IMMP2L: variants seen among roughly 807,000 people sequenced by gnomAD.
IMMP2L encodes mitochondrial inner membrane protease subunit 2.
IMMP2L carries 18 observed loss-of-function variants against 19.3 expected under a neutral mutation model. The observed-to-expected ratio is 0.93, with a 90% CI of 0.64 to 1.38. The LOEUF is 1.38. IMMP2L is among the 40% of genes most tolerant of loss of function. The pLI, the probability that IMMP2L is intolerant of heterozygous loss-of-function variation, is 0.00. For missense variants in IMMP2L, 233 were observed against 218.2 expected (o/e 1.07, Z -0.43); for synonymous variants, 76 against 73.0 (o/e 1.04, Z -0.21).
At chr7:110,977,661 TTC>T (rs1171093097) in intron 3 of IMMP2L, among the ~76,000 whole-genome samples, 27 of 151,926 alleles carry the variant, frequency 1.8e-4, no homozygotes, top group Admixed American at 1.8e-3. Context: ...GCCAAATGAC[TTC>T]TCTCTTTCCT....
chr7:110,704,516 G>A (rs1374536430), intron 5 of IMMP2L, among the ~76,000 whole-genome samples: 1 of 152,198 alleles, frequency 6.6e-6, no homozygotes, highest in Non-Finnish European at 1.5e-5. Context: ...CTGCATCAAG[G>A]AGAAGCACTT....
intron 5 of IMMP2L, among the ~76,000 whole-genome samples, chr7:110,824,510 C>A (rs963183120): frequency 6.6e-6 from 1 of 152,104 alleles, no homozygotes; most frequent in Non-Finnish European, 1.5e-5. Context: ...GGACCACAGG[C>A]ACACACCACC....
At chr7:111,429,406 T>A (rs62464570) in intron 3 of IMMP2L, among the ~76,000 whole-genome samples, 4,461 of 152,030 alleles carry the variant, frequency 0.029, 146 homozygotes, top group African/African-American at 0.039. Flanking sequence ...TGATGCCTCC[T>A]CTGGCTTGGC....
intron 3 of IMMP2L, among the ~76,000 whole-genome samples, chr7:110,988,328 T>A (rs983318567): frequency 6.6e-6 from 1 of 152,096 alleles, no homozygotes; most frequent in African/African-American, 2.4e-5. Flanking sequence ...AGCCTAGGAG[T>A]TGCCTCCATC....
intron 3 of IMMP2L, among the ~76,000 whole-genome samples, chr7:111,172,018 T>G (rs1228676880): frequency 6.6e-6 from 1 of 151,542 alleles, no homozygotes; most frequent in Non-Finnish European, 1.5e-5. Context: ...ATTCTCTGAT[T>G]TAACAGAAAA....
At chr7:110,855,686 T>C (rs1203291367) in intron 5 of IMMP2L, among the ~76,000 whole-genome samples, 1 of 151,990 alleles carries the variant, frequency 6.6e-6, no homozygotes, top group African/African-American at 2.4e-5. Flanking sequence ...ATTTTCCCAA[T>C]CCAAATTTAT....
At chr7:110,830,319 G>A (rs1478040776) in intron 5 of IMMP2L, among the ~76,000 whole-genome samples, 1 of 151,970 alleles carries the variant, frequency 6.6e-6, no homozygotes, top group Admixed American at 6.6e-5. Flanking sequence ...AGAAGCTCAG[G>A]TTCTCCAAAG....
chr7:110,880,699 T>C (rs920119051), intron 5 of IMMP2L, among the ~76,000 whole-genome samples: 2 of 152,100 alleles, frequency 1.3e-5, no homozygotes, highest in Non-Finnish European at 2.9e-5. Flanking sequence ...TAAAAAAAAT[T>C]CTAAGCACTT....
intron 4 of IMMP2L, among the ~76,000 whole-genome samples, chr7:110,895,011 TGATA>T (rs1462337001): frequency 6.6e-6 from 1 of 152,178 alleles, no homozygotes; most frequent in African/African-American, 2.4e-5. Context: ...TTCATGCTGC[TGATA>T]AAGACACACC....
rs1006114906 is a variant in IMMP2L at position 110,965,774 on chromosome 7, A to G, written c.240-2209T>C. ...ATAATGGATATTAAAACACTTTCTT[A>G]CTATATTGACAAAGATGTACTACTA... On this transcript the variant is annotated intron_variant, in intron 3 of 5. Coordinates refer to ENST00000405709, the MANE Select transcript of IMMP2L (RefSeq NM_032549.4). Among the ~76,000 whole-genome samples, 19 of 152,010 alleles carry G rather than the reference A, an allele frequency of 1.2e-4. No homozygotes were observed. The South Asian group carries it at 1.9e-3, about 15-fold the overall frequency.
At chr7:111,558,926 T>C (rs1791692933) in intron 1 of IMMP2L, among the ~76,000 whole-genome samples, 1 of 152,162 alleles carries the variant, frequency 6.6e-6, no homozygotes, top group African/African-American at 2.4e-5. Flanking sequence ...TTAAGAATAT[T>C]TTCTTGCTTC....
At chr7:111,030,884 G>GTGTGTA (rs1397369486) in intron 3 of IMMP2L, among the ~76,000 whole-genome samples, 1 of 127,142 alleles carries the variant, frequency 7.9e-6, no homozygotes, top group African/African-American at 3.1e-5. Context: ...GTGTGTGTGT[G>GTGTGTA]TATATATATA....
intron 3 of IMMP2L, among the ~76,000 whole-genome samples, chr7:111,309,894 C>G (rs1823318474): frequency 6.6e-6 from 1 of 152,006 alleles, no homozygotes; most frequent in African/African-American, 2.4e-5. Flanking sequence ...GGCACTATTT[C>G]AATTTAGTTT....
chr7:111,539,174 A>G (rs1848200070), intron 1 of IMMP2L, among the ~76,000 whole-genome samples: 1 of 66,664 alleles, frequency 1.5e-5, no homozygotes. Context: ...GAAGGAAGGA[A>G]GGAAGGAAGG....
At chr7:110,888,834 A>T (rs1230984476) in intron 4 of IMMP2L, among the ~76,000 whole-genome samples, 2 of 152,154 alleles carry the variant, frequency 1.3e-5, no homozygotes, top group Non-Finnish European at 2.9e-5. Context: ...ACTAGAATGC[A>T]GTCTTTGGAA....
chr7:111,356,854 C>G (rs966504340), intron 3 of IMMP2L, among the ~76,000 whole-genome samples: 1 of 152,060 alleles, frequency 6.6e-6, no homozygotes, highest in Non-Finnish European at 1.5e-5. Context: ...CGGTGAAACC[C>G]TATCTCCACT....
intron 5 of IMMP2L, among the ~76,000 whole-genome samples, chr7:110,804,053 C>T (rs1351778049): frequency 1.3e-5 from 2 of 151,966 alleles, no homozygotes; most frequent in Non-Finnish European, 2.9e-5. Flanking sequence ...GCCTTGTTTG[C>T]CAATACTCTA....
At chr7:110,864,700 T>C (rs1807807555) in intron 5 of IMMP2L, among the ~76,000 whole-genome samples, 1 of 152,082 alleles carries the variant, frequency 6.6e-6, no homozygotes, top group African/African-American at 2.4e-5. Context: ...TTTGAACTTC[T>C]TACCTGTGTA....
chr7:111,464,213 C>G lies in IMMP2L; in HGVS notation c.239+23025G>C, dbSNP rs567888317. Among the ~76,000 whole-genome samples, 4 of 152,256 alleles carry G rather than the reference C, an allele frequency of 2.6e-5. No individual in the cohort carries two copies. In the East Asian group the frequency reaches 7.7e-4, roughly 29 times the overall value. ...GCCAGGATTACAGGTATAGCTTACA[C>G]CTGTAATCCCAATACTTTGGGAAGC... On this transcript the variant is annotated intron_variant, in intron 3 of 5. Coordinates refer to ENST00000405709, the MANE Select transcript of IMMP2L (RefSeq NM_032549.4).
Sources: allele counts gnomAD v4.1 joint callset (sites outside exome capture counted in the v4.1 genomes callset), GRCh38; gene constraint gnomAD v4.1.1; transcripts MANE v1.5; gene names NCBI Gene and HGNC (gene_info 2026-07-23, HGNC 2026-07-21).